ABR: variants seen among roughly 807,000 people sequenced by gnomAD.
ABR encodes the protein ABR activator of RhoGEF and GTPase, also known as active breakpoint cluster region-related protein.
In ABR, 35 loss-of-function variants were observed where a neutral mutation model predicts 107.2. The observed-to-expected ratio is 0.33, with a 90% confidence interval of 0.25 to 0.43. The LOEUF (loss-of-function observed/expected upper bound fraction) is 0.43. Ranked by LOEUF, ABR falls within the 20% of genes least tolerant of loss-of-function variation. The pLI is 1.00. For missense variants in ABR, 815 were observed against 1,115.2 expected, an observed-to-expected ratio of 0.73 and a Z score of 3.83; for synonymous variants, 498 against 462.0, an observed-to-expected ratio of 1.08 and a Z score of -1.00.
chr17:1,156,794 A>T (rs554111373), intron 1 of ABR, among the ~76,000 whole-genome samples: 1 of 152,328 alleles, frequency 6.6e-6, no homozygotes, highest in East Asian at 1.9e-4. Context: ...GAGTAAACTG[A>T]GGCACAGGGA....
chr17:1,151,519 G>C (rs1189932112), intron 1 of ABR, among the ~76,000 whole-genome samples: 1 of 152,136 alleles, frequency 6.6e-6, no homozygotes, highest in Non-Finnish European at 1.5e-5. Flanking sequence ...AAACCACAAA[G>C]GGCCTCGGTC....
In ABR at chr17:1,135,188, A is replaced by C. The variant is rs143680094; in HGVS notation, c.62-9821T>G. 4.2e-3 allele frequency among the ~76,000 whole-genome samples: 641 copies of C among 152,118 alleles called. 6 individuals are homozygous for C. Among genetic ancestry groups the C allele is most frequent in the African/African-American group, 0.015 (605 of 41,494 alleles). On this transcript the variant is annotated intron_variant, in intron 1 of 22. Coordinates refer to ENST00000302538, the MANE Select transcript of ABR (RefSeq NM_021962.5). ...GCCAGGAGGGCTAGAACACAGAGTGAGCAGAGGGGGAGAGGGCCGTGCTGG... is the reference window on the plus strand; with the variant it reads ...GCCAGGAGGGCTAGAACACAGAGTGCGCAGAGGGGGAGAGGGCCGTGCTGG...
intron 5 of ABR, among the ~76,000 whole-genome samples, chr17:1,082,094 C>T (rs1431513717): frequency 6.6e-6 from 1 of 152,136 alleles, no homozygotes. Flanking sequence ...GTTTCCCCAA[C>T]TCTTCTAGCG....
intron 16 of ABR, among the ~76,000 whole-genome samples, chr17:1,032,818 T>C (rs1302974009): frequency 1.3e-5 from 2 of 152,210 alleles, no homozygotes; most frequent in Non-Finnish European, 2.9e-5. Flanking sequence ...TGTTTAACTA[T>C]GCAAAACCCA....
chr17:1,153,373 C>T (rs1055042988), intron 1 of ABR, among the ~76,000 whole-genome samples: 80 of 148,152 alleles, frequency 5.4e-4, no homozygotes, highest in African/African-American at 1.7e-3. Context: ...GGCACACCTG[C>T]GGGAGGGCTG....
rs2031022986 is a variant in ABR, at chr17:1,043,521, TTTTA to T, written c.1791+6525_1791+6528del. ...ATGTTATGTATATTTCACTACAATC[TTTTA>T]TTTTTTATTTTTTTCAGTGGAGATA... On this transcript the variant is annotated intron_variant, in intron 16 of 22. Coordinates refer to ENST00000302538, the MANE Select transcript of ABR (RefSeq NM_021962.5). 4.6e-5 allele frequency among the ~76,000 whole-genome samples: 7 copies of T among 152,096 alleles called. No individual in the cohort carries two copies. The South Asian group carries it at 1.5e-3, about 32-fold the overall frequency.
intron 16 of ABR, among the ~76,000 whole-genome samples, chr17:1,024,668 C>G (rs1029106495): frequency 6.6e-6 from 1 of 151,718 alleles, no homozygotes; most frequent in African/African-American, 2.4e-5. Flanking sequence ...TGCCTGTAGA[C>G]CCAGCTACTT....
chr17:1,223,745 A>G (rs1300561436), intron 1 of ABR, among the ~76,000 whole-genome samples: 2 of 152,118 alleles, frequency 1.3e-5, no homozygotes, highest in African/African-American at 4.8e-5. Flanking sequence ...AGGAAAAGCA[A>G]CCACCTTCTT....
chr17:1,014,234 G>A (rs1003106598), intron 16 of ABR, among the ~76,000 whole-genome samples: 10 of 152,132 alleles, frequency 6.6e-5, no homozygotes, highest in Non-Finnish European at 1.2e-4. Flanking sequence ...GAGCTCAGGA[G>A]ATCGAGACCA....
intron 2 of ABR, among the ~76,000 whole-genome samples, chr17:1,104,488 G>A (rs1337653647): frequency 6.6e-6 from 1 of 152,194 alleles, no homozygotes; most frequent in Non-Finnish European, 1.5e-5. Context: ...TGCAGCGAGG[G>A]TCTGAGGCTT....
At chr17:1,059,951 T>A (rs866080043) in intron 10 of ABR, among the ~76,000 whole-genome samples, 1 of 152,138 alleles carries the variant, frequency 6.6e-6, no homozygotes, top group South Asian at 2.1e-4. Context: ...AAGCGCACAC[T>A]CACCCTGCCC....
Position 1,009,756 on chromosome 17 carries a change from G to A in ABR, c.2265C>T (p.Asn755=). Residue 755 remains asparagine (N), a synonymous_variant, in exon 21 of 23, where the codon AAC becomes AAT. Coordinates refer to ENST00000302538, the MANE Select transcript of ABR (RefSeq NM_021962.5). ...GGGAGCGGAGCAGGTGCATCATGCA[G>A]TTTTCCTTGGCAGCAGGGTCTGACA... ...IALSDPAAKE[N]CMMHLLRSLP... 3 of 1,614,134 alleles carry A rather than the reference G, an allele frequency of 1.9e-6. No individual in the cohort carries two copies. Among genetic ancestry groups the A allele is most frequent in the Non-Finnish European group, 2.5e-6 (3 of 1,180,030 alleles).
intron 1 of ABR, among the ~76,000 whole-genome samples, chr17:1,153,165 T>C (rs1245848887): frequency 6.6e-6 from 1 of 152,230 alleles, no homozygotes. Flanking sequence ...TCTGGACCCC[T>C]TTCTTGCCCC....
chr17:1,071,771 C>T lies in ABR; in HGVS notation c.894+843G>A, dbSNP rs564956598. On this transcript the variant is annotated intron_variant, in intron 8 of 22. Coordinates refer to ENST00000302538, the MANE Select transcript of ABR (RefSeq NM_021962.5). The surrounding 1 kb of genome is among the most constrained non-coding windows in gnomAD (Gnocchi z 5.1). ...GGTGTCTGCATTCAAGAATGAGGCA[C>T]CCGGAGGCCACTTCCCCGGCGTGGG... 6.6e-5 allele frequency among the ~76,000 whole-genome samples: 10 copies of T among 152,398 alleles called. No individual in the cohort carries two copies. In the South Asian group the frequency reaches 2.1e-3, roughly 32 times the overall value.
intron 4 of ABR, among the ~76,000 whole-genome samples, chr17:1,085,744 G>A (rs866168400): frequency 9.9e-5 from 15 of 152,132 alleles, no homozygotes; most frequent in African/African-American, 3.1e-4. Flanking sequence ...AAATTACCTC[G>A]TTAATTTTTA....
chr17:1,187,087 G>T lies in ABR; in HGVS notation c.-365C>A, dbSNP rs62070503. 1,300 of 152,542 alleles carry T rather than the reference G, an allele frequency of 8.5e-3. 13 individuals are homozygous for T. Among genetic ancestry groups the T allele is most frequent in the Middle Eastern group, 0.078 (23 of 296 alleles). 9.4% of individuals were successfully genotyped at this position (152,542 alleles called of 1,614,324 possible). A position where few individuals can be genotyped will look rare whatever the true frequency, so the allele number is the denominator to read the frequency against. On this transcript the variant is annotated 5_prime_UTR_variant, in exon 1 of 23. Coordinates refer to the ABR transcript ENST00000544583. ...ACCTCTGACACCACCCACCAGGCTG[G>T]CCCTGTCCCCATCAGGCCCAGGAGT...
At chr17:1,229,650 C>G (rs1449096571) in exon 1 of ABR, among the ~76,000 whole-genome samples, 1 of 152,022 alleles carries the variant, frequency 6.6e-6, no homozygotes, top group African/African-American at 2.4e-5. Context: ...TCCGTCCGCG[C>G]CGACCCTTCC....
chr17:1,227,163 C>T (rs1219735351), intron 1 of ABR, among the ~76,000 whole-genome samples: 1 of 152,144 alleles, frequency 6.6e-6, no homozygotes, highest in East Asian at 1.9e-4. Flanking sequence ...CCAGGGGCAG[C>T]GCCGATTTCT....
chr17:1,074,191 G>T (rs1187959703), intron 6 of ABR, among the ~76,000 whole-genome samples: 1 of 146,480 alleles, frequency 6.8e-6, no homozygotes, highest in Non-Finnish European at 1.5e-5. Flanking sequence ...GCAGAGTCTA[G>T]CACACCTGCC....
Sources: gnomAD v4.1 joint callset for allele counts (sites outside exome capture counted in the v4.1 genomes callset) on GRCh38, gnomAD v4.1.1 for gene constraint, Gnocchi (gnomAD v3.1) non-coding constraint, MANE v1.5 for transcripts, NCBI Gene and HGNC (gene_info 2026-07-23, HGNC 2026-07-21) for gene names.